KLK8: variants seen among roughly 807,000 people sequenced by gnomAD.
KLK8 encodes the protein kallikrein related peptidase 8, also known as kallikrein-8.
KLK8 carries 18 observed loss-of-function variants against 26.7 expected under a neutral mutation model. The ratio of observed to expected loss-of-function variants is 0.67; its 90% CI spans 0.47 to 1.00. The LOEUF (loss-of-function observed/expected upper bound fraction) is 1.00. KLK8 is among the 50% of genes least tolerant of loss of function. The pLI is 0.00. For missense variants in KLK8, 301 were observed against 331.7 expected, an observed-to-expected ratio of 0.91 and a Z score of 0.72; for synonymous variants, 137 against 127.1, an observed-to-expected ratio of 1.08 and a Z score of -0.52.
At chr19:51,000,353 T>C (rs2091210894) in intron 4 of KLK8, 71 bp downstream of exon 3, 2 of 1,542,774 alleles carry the variant, frequency 1.3e-6, no homozygotes, top group South Asian at 1.2e-5. Flanking sequence ...AGCTCTCTCC[T>C]TCCTGAGTCG....
chr19:50,998,093 A>G, intron 5 of KLK8: 1 of 566,280 alleles, frequency 1.8e-6, no homozygotes. Context: ...CCATCTAGAG[A>G]GGGGCCCTTG....
At chr19:50,997,038 A>G (rs2091176824) in intron 6 of KLK8, among the ~76,000 whole-genome samples, 1 of 152,134 alleles carries the variant, frequency 6.6e-6, no homozygotes, top group South Asian at 2.1e-4. Flanking sequence ...TCGCTGATGG[A>G]AACGACTCCA....
rs1355889279 is a variant in KLK8 at position 51,000,408 on chromosome 19, C to G, written c.230+16G>C. 2 of 1,593,954 alleles carry G rather than the reference C, an allele frequency of 1.3e-6. No individual in the cohort carries two copies. Among genetic ancestry groups the G allele is most frequent in the Non-Finnish European group, 1.7e-6 (2 of 1,167,878 alleles). On this transcript the variant is annotated intron_variant, in intron 4 of 6. Transcript: ENST00000600767. Reference sequence around the variant, plus strand: ...CCTTAAGCCCCAGCTGACCTCTGCCCCCATCATCCACTCACGGTTTTTTAC... The same window carrying G: ...CCTTAAGCCCCAGCTGACCTCTGCCGCCATCATCCACTCACGGTTTTTTAC...
exon 5 of KLK8, chr19:51,000,200 C>T (rs779221558): frequency 6.2e-7 from 1 of 1,608,314 alleles, no homozygotes; most frequent in Non-Finnish European, 8.5e-7. Context: ...ACAGGTATTT[C>T]TTGCTCTGGG....
exon 4 of KLK8, chr19:51,000,512 C>T (rs773889832): frequency 1.2e-6 from 2 of 1,613,968 alleles, no homozygotes; most frequent in Non-Finnish European, 1.7e-6. Flanking sequence ...AACAAGGCCG[C>T]CTGCCAAGGC....
chr19:51,000,725 C>T, intron 3 of KLK8, 142 bp from the exon 3 acceptor site: 2 of 1,526,714 alleles, frequency 1.3e-6, no homozygotes, highest in East Asian at 2.3e-5. Flanking sequence ...CACGCTGCCA[C>T]ACGGGGACAC....
chr19:50,998,329 C>T (rs1055900864), intron 5 of KLK8, among the ~76,000 whole-genome samples: 1 of 152,200 alleles, frequency 6.6e-6, no homozygotes, highest in Non-Finnish European at 1.5e-5. Context: ...CCATTACTCC[C>T]TATCCTTTTA....
intron 6 of KLK8, among the ~76,000 whole-genome samples, chr19:50,996,799 G>A (rs1274926295): frequency 2.0e-5 from 3 of 151,386 alleles, no homozygotes; most frequent in Non-Finnish European, 4.4e-5. Context: ...TACTTGGAGA[G>A]GACTGAGCTG....
At chr19:50,998,451 T>C (rs1346620302) in intron 5 of KLK8, among the ~76,000 whole-genome samples, 1 of 152,226 alleles carries the variant, frequency 6.6e-6, no homozygotes. Flanking sequence ...AAGGACTTTG[T>C]ACAGTTTGCT....
chr19:50,997,689 G>A, intron 6 of KLK8, 62 bp downstream of exon 5: 15 of 1,553,956 alleles, frequency 9.7e-6, no homozygotes, highest in African/African-American at 2.7e-5. Context: ...CCCCATCCAA[G>A]CCTTGAACCT....
In KLK8 at chr19:51,001,518, C is replaced by A; in HGVS notation, c.-9+14G>T. ...GGGGCCTGATGTCTGTATCTGAGTA[C>A]CTCTGCACCTCACCTTCCAGAATCC... On this transcript the variant is annotated intron_variant, in intron 2 of 6. Coordinates refer to ENST00000600767, the Ensembl canonical transcript of KLK8. The A allele has an allele frequency of 4.1e-6, 1 of 241,436 alleles. No homozygotes were observed. Among genetic ancestry groups the A allele is most frequent in the South Asian group, 8.0e-5 (1 of 12,578 alleles). 15.0% of individuals were successfully genotyped at this position (241,436 alleles called of 1,614,324 possible).
At chr19:50,997,703 G>C in intron 6 of KLK8, 48 bp downstream of exon 5, 4 of 1,607,304 alleles carry the variant, frequency 2.5e-6, no homozygotes, top group Non-Finnish European at 3.4e-6. Context: ...TGAACCTCGA[G>C]AGGGCAATGA....
chr19:50,999,583 CAAAAAAAAAAAAAAAAAAAAA>C (rs56988162), intron 5 of KLK8, among the ~76,000 whole-genome samples: 19 of 30,296 alleles, frequency 6.3e-4, no homozygotes, highest in South Asian at 2.9e-3. Context: ...TGTCCCCCTG[CAAAAAAAAAAAAAAAAAAAAA>C]AAAAAAAAAA....
chr19:51,000,791 A>G (rs565997383), intron 3 of KLK8: 15 of 1,416,972 alleles, frequency 1.1e-5, no homozygotes, highest in Non-Finnish European at 1.4e-5. Flanking sequence ...ATGCCCCCAC[A>G]TGCTTCCACA....
chr19:51,000,546 AC>A lies in KLK8; in HGVS notation c.107del (p.Gly36ValfsTer28). The A allele has an allele frequency of 6.2e-7, 1 of 1,613,418 alleles. No homozygotes were observed. The highest frequency in any genetic ancestry group is 1.3e-5 in the African/African-American group (1 of 74,740). On this transcript the variant is annotated frameshift_variant, in exon 4 of 7. Coordinates refer to ENST00000600767, the Ensembl canonical transcript of KLK8. LOFTEE classifies it high-confidence loss of function. ...GCTGCGAATGGGGTTGGCACTCATG[AC>A]CCCCCAGCACCTTGTCCTCCTGTGC...
At chr19:51,000,856 C>G in intron 3 of KLK8, 2 of 907,436 alleles carry the variant, frequency 2.2e-6, no homozygotes, top group Admixed American at 2.9e-5. Context: ...AAGCAAGCAG[C>G]CCCCAAAGGC....
chr19:51,000,992 C>G (rs2091219222), intron 3 of KLK8, 106 bp downstream of exon 2: 1 of 1,094,900 alleles, frequency 9.1e-7, no homozygotes, highest in Non-Finnish European at 1.3e-6. Flanking sequence ...CTCTTCACAT[C>G]CGTGCACACG....
In KLK8 at chr19:51,000,416, C is replaced by A. The variant is rs1307836259; in HGVS notation, c.230+8G>T. ...CCCAGCTGACCTCTGCCCCCATCAT[C>A]CACTCACGGTTTTTTACAGTGGGCA... On this transcript the variant is annotated splice_region_variant and intron_variant, in intron 4 of 6. Coordinates refer to ENST00000600767, the Ensembl canonical transcript of KLK8. 6.3e-7 allele frequency: 1 copy of A among 1,598,778 alleles called. No individual in the cohort carries two copies. The highest frequency in any genetic ancestry group is 8.5e-7 in the Non-Finnish European group (1 of 1,170,432).
At chr19:50,998,480 G>A (rs184555717) in intron 5 of KLK8, among the ~76,000 whole-genome samples, 3 of 152,160 alleles carry the variant, frequency 2.0e-5, no homozygotes, top group South Asian at 2.1e-4. Flanking sequence ...TATATCCAGC[G>A]CCTGCAACAG....
Sources: gnomAD v4.1 joint callset for allele counts (sites outside exome capture counted in the v4.1 genomes callset) on GRCh38, gnomAD v4.1.1 for gene constraint, MANE v1.5 for transcripts, NCBI Gene and HGNC (gene_info 2026-07-23, HGNC 2026-07-21) for gene names.